Variants in MYPN observed in about 807,000 individuals in gnomAD.
MYPN encodes sarcomeric protein myopalladin, 145 kDa (MYOP).
In MYPN, 63 loss-of-function variants were observed where a neutral mutation model predicts 129.4. That is an observed-to-expected ratio of 0.49 (90% CI 0.40 to 0.60). The LOEUF (loss-of-function observed/expected upper bound fraction) is 0.60, where lower values mean the gene tolerates loss of function less well. Ranked by LOEUF, MYPN falls within the 20% of genes least tolerant of loss-of-function variation. MYPN has a pLI of 0.00. For synonymous variants in MYPN, 629 were observed against 600.9 expected (o/e 1.05, Z -0.68); for missense variants, 1,596 against 1,635.4 (o/e 0.98, Z 0.42).
chr10:68,188,842 T>G, intron 12 of MYPN, 63 bp from the exon 13 acceptor site: 2 of 1,409,180 alleles, frequency 1.4e-6, no homozygotes, highest in East Asian at 4.7e-5. Flanking sequence ...CTTCCTCAAT[T>G]GTACTGATGG....
chr10:68,183,155 C>T (rs550048310), intron 12 of MYPN, among the ~76,000 whole-genome samples: 1 of 152,064 alleles, frequency 6.6e-6, no homozygotes, highest in Non-Finnish European at 1.5e-5. Context: ...TAACTTACCA[C>T]CATGTATAAT....
chr10:68,099,323 G>A (rs1483066443), intron 1 of MYPN, among the ~76,000 whole-genome samples: 1 of 152,128 alleles, frequency 6.6e-6, no homozygotes, highest in Admixed American at 6.6e-5. Context: ...TCATAATGAA[G>A]ACCAATTTCA....
At chr10:68,128,831 T>C (rs182415275) in intron 2 of MYPN, among the ~76,000 whole-genome samples, 1 of 152,260 alleles carries the variant, frequency 6.6e-6, no homozygotes, top group African/African-American at 2.4e-5. Context: ...TGTCGCAGGC[T>C]GAGGGAATAG....
intron 13 of MYPN, among the ~76,000 whole-genome samples, chr10:68,193,060 A>C (rs2043541672): frequency 6.6e-6 from 1 of 150,752 alleles, no homozygotes; most frequent in South Asian, 2.1e-4. Flanking sequence ...CCATCTACTA[A>C]TTTTGAATTT....
chr10:68,159,000 A>G (rs895151804), intron 7 of MYPN, among the ~76,000 whole-genome samples: 1 of 152,068 alleles, frequency 6.6e-6, no homozygotes, highest in African/African-American at 2.4e-5. Context: ...TCCTCGGTTC[A>G]AGCGATTCTC....
upstream of MYPN, among the ~76,000 whole-genome samples, chr10:68,104,562 C>T (rs1283699651): frequency 1.3e-5 from 2 of 152,202 alleles, no homozygotes; most frequent in African/African-American, 4.8e-5. Flanking sequence ...TAATGCCTAA[C>T]TCCAGTCTAC....
In MYPN at chr10:68,166,837, G is replaced by A. The variant is rs7905579; in HGVS notation, c.1973+171G>A. On this transcript the variant is annotated intron_variant, in intron 10 of 19. Transcript: ENST00000358913. ...TGAGCCCAGGAATTCGAGACCAGCC[G>A]GGGAAAAATAGTGAGACCTCTGTCT... Among the ~76,000 whole-genome samples, 14 of 151,602 alleles carry A rather than the reference G, an allele frequency of 9.2e-5. No homozygotes were observed. The East Asian group carries it at 1.4e-3, about 15-fold the overall frequency.
chr10:68,173,434 T>C lies in MYPN; in HGVS notation c.1974-632T>C, dbSNP rs76456837. ...TCTCTTTTCCAATTTATAAACTCTT[T>C]GTTGCACAACTCCAAGGTCGCAATA... On this transcript the variant is annotated intron_variant, in intron 10 of 19. Transcript: ENST00000358913. 3.6e-3 allele frequency among the ~76,000 whole-genome samples: 542 copies of C among 152,282 alleles called. 5 individuals carry two copies. Among genetic ancestry groups the C allele is most frequent in the African/African-American group, 0.013 (520 of 41,560 alleles).
At chr10:68,204,871 C>G (rs1008741820) in intron 18 of MYPN, among the ~76,000 whole-genome samples, 4 of 151,950 alleles carry the variant, frequency 2.6e-5, no homozygotes, top group African/African-American at 9.7e-5. Flanking sequence ...TCTTCCTAGT[C>G]CCCCCACTTG....
At chr10:68,142,482 A>G (rs756709481) in intron 2 of MYPN, among the ~76,000 whole-genome samples, 60 of 152,244 alleles carry the variant, frequency 3.9e-4, no homozygotes, top group South Asian at 1.0e-3. Context: ...AAGTAACAGA[A>G]CAAATTAATT....
chr10:68,108,656 G>A (rs1240928338), upstream of MYPN, among the ~76,000 whole-genome samples: 1 of 152,020 alleles, frequency 6.6e-6, no homozygotes, highest in African/African-American at 2.4e-5. Flanking sequence ...TAATGTTATA[G>A]CATCATTTAA....
At chr10:68,149,220 C>T (rs2042723659) in intron 5 of MYPN, among the ~76,000 whole-genome samples, 1 of 152,100 alleles carries the variant, frequency 6.6e-6, no homozygotes, top group South Asian at 2.1e-4. Context: ...AGACCCTGTC[C>T]TCCCACTCCC....
chr10:68,132,348 A>G (rs2042424322), intron 2 of MYPN, among the ~76,000 whole-genome samples: 1 of 152,232 alleles, frequency 6.6e-6, no homozygotes, highest in Admixed American at 6.5e-5. Context: ...CAATTTTGTC[A>G]TAATCCACTA....
At chr10:68,197,659 T>C (rs796765155) in intron 16 of MYPN, among the ~76,000 whole-genome samples, 181 bp downstream of exon 16, 5 of 152,182 alleles carry the variant, frequency 3.3e-5, no homozygotes, top group African/African-American at 1.2e-4. Context: ...CAGATGAAAT[T>C]ATTTTATGAA....
chr10:68,208,991 G>A (rs2043862226), intron 19 of MYPN, among the ~76,000 whole-genome samples: 1 of 152,170 alleles, frequency 6.6e-6, no homozygotes, highest in Non-Finnish European at 1.5e-5. Flanking sequence ...ACCGCTCTAG[G>A]TTTGGTCCTC....
At chr10:68,142,893 G>A (rs2042598983) in intron 2 of MYPN, 47 bp from the exon 3 acceptor site, 19 of 1,559,248 alleles carry the variant, frequency 1.2e-5, no homozygotes, top group Non-Finnish European at 1.6e-5. Context: ...CTATGTTATT[G>A]TCTTGCATTT....
intron 2 of MYPN, among the ~76,000 whole-genome samples, chr10:68,135,971 A>G (rs1469931425): frequency 2.0e-5 from 3 of 152,186 alleles, no homozygotes; most frequent in South Asian, 4.1e-4. Context: ...GGGCTGGGGC[A>G]TGGTTAAAGA....
At chr10:68,173,756 C>T (rs1180772076) in intron 10 of MYPN, among the ~76,000 whole-genome samples, 1 of 151,752 alleles carries the variant, frequency 6.6e-6, no homozygotes, top group African/African-American at 2.4e-5. Flanking sequence ...TAAAGCAATC[C>T]TCCCACCACA....
upstream of MYPN, among the ~76,000 whole-genome samples, chr10:68,107,230 T>G (rs2042022199): frequency 6.6e-6 from 1 of 152,166 alleles, no homozygotes; most frequent in Non-Finnish European, 1.5e-5. Context: ...TATATTCAGC[T>G]TTTTTTCAAA....
Sources: gnomAD v4.1 joint callset for allele counts (sites outside exome capture counted in the v4.1 genomes callset) on GRCh38, gnomAD v4.1.1 for gene constraint, MANE v1.5 for transcripts, NCBI Gene and HGNC (gene_info 2026-07-23, HGNC 2026-07-21) for gene names.